Variants in FAM120B observed in about 807,000 individuals in gnomAD.
The protein encoded by FAM120B is constitutive coactivator of peroxisome proliferator-activated receptor gamma.
In FAM120B, 83 loss-of-function variants were observed where a neutral mutation model predicts 96.3. The observed-to-expected ratio is 0.86, with a 90% CI of 0.72 to 1.03. The LOEUF (loss-of-function observed/expected upper bound fraction) is 1.03. FAM120B is among the 50% of genes least tolerant of loss of function. The pLI, the probability that FAM120B is intolerant of heterozygous loss-of-function variation, is 0.00. For missense variants in FAM120B, 1,027 were observed against 1,121.2 expected, an observed-to-expected ratio of 0.92 and a Z score of 1.20; for synonymous variants, 407 against 402.7, an observed-to-expected ratio of 1.01 and a Z score of -0.13.
intron 6 of FAM120B, among the ~76,000 whole-genome samples, chr6:170,371,260 T>C (rs1789171738): frequency 6.6e-6 from 1 of 152,128 alleles, no homozygotes; most frequent in Admixed American, 6.5e-5. Context: ...TGGCCTTTCG[T>C]GTCTGGCATC....
chr6:170,349,898 G>A (rs1787461670), intron 5 of FAM120B, among the ~76,000 whole-genome samples: 1 of 152,084 alleles, frequency 6.6e-6, no homozygotes, highest in Admixed American at 6.5e-5. Flanking sequence ...TGCCCCACCT[G>A]GGAACAGTAT....
At chr6:170,397,714 A>G (rs778731981) in intron 9 of FAM120B, among the ~76,000 whole-genome samples, 1 of 152,182 alleles carries the variant, frequency 6.6e-6, no homozygotes. Flanking sequence ...TGAAGCGGGC[A>G]TCCCAGCCTC....
intron 6 of FAM120B, among the ~76,000 whole-genome samples, chr6:170,379,172 G>T (rs1184386272): frequency 6.6e-6 from 1 of 152,170 alleles, no homozygotes; most frequent in Non-Finnish European, 1.5e-5. Context: ...GGGATCTGTG[G>T]TCTGAGACAG....
intron 4 of FAM120B, among the ~76,000 whole-genome samples, chr6:170,343,991 C>T (rs960879680): frequency 2.0e-5 from 3 of 151,402 alleles, no homozygotes; most frequent in Admixed American, 6.6e-5. Flanking sequence ...CTTGGAAGAA[C>T]GGATGAAATC....
At chr6:170,374,444 C>T (rs909931837) in intron 6 of FAM120B, among the ~76,000 whole-genome samples, 5 of 152,292 alleles carry the variant, frequency 3.3e-5, no homozygotes, top group African/African-American at 9.6e-5. Context: ...TTACTCTGCC[C>T]GAGACGAGAT....
chr6:170,302,582 CCT>C (rs1199499389), upstream of FAM120B, among the ~76,000 whole-genome samples: 1 of 152,162 alleles, frequency 6.6e-6, no homozygotes, highest in African/African-American at 2.4e-5. Flanking sequence ...CCCAGATGCC[CCT>C]GCCATTCATT....
rs138355463 is a variant in FAM120B, at chr6:170,317,768, A to G, written c.378A>G (p.Pro126=). Residue 126 remains proline, a synonymous_variant, in exon 2 of 11, where the codon CCA becomes CCG. Transcript: ENST00000476287. The part of the protein sequence containing the change: ...FHYIKSHKEQ[P]GRNMFFIPSG... Reference sequence around the variant, plus strand: ...ACATCAAGTCACACAAGGAGCAGCCAGGCAGAAATATGTTCTTCATCCCCT... The same window carrying G: ...ACATCAAGTCACACAAGGAGCAGCCGGGCAGAAATATGTTCTTCATCCCCT... 13 of 1,614,118 alleles carry G rather than the reference A, an allele frequency of 8.1e-6. No individual in the cohort carries two copies. In the African/African-American group the frequency reaches 1.7e-4, roughly 22 times the overall value.
At chr6:170,292,152 C>T (rs1280815513), upstream of FAM120B, among the ~76,000 whole-genome samples, 4 of 152,248 alleles carry the variant, frequency 2.6e-5, no homozygotes, top group South Asian at 6.2e-4. The surrounding 1 kb of genome is among the most constrained non-coding windows in gnomAD (Gnocchi z 6.6). Context: ...TAAAGCCCCT[C>T]CAGCCCCGGC....
intron 6 of FAM120B, among the ~76,000 whole-genome samples, chr6:170,384,676 T>C (rs934959975): frequency 1.3e-5 from 2 of 152,244 alleles, no homozygotes; most frequent in Admixed American, 1.3e-4. Context: ...AGCAGACATA[T>C]CTGTAATCAC....
intron 5 of FAM120B, 55 bp from the exon 6 acceptor site, chr6:170,358,171 A>T: frequency 7.1e-7 from 1 of 1,414,856 alleles, no homozygotes; most frequent in South Asian, 1.2e-5. Context: ...TCAATTTGTA[A>T]GAAATGTTTA....
intron 4 of FAM120B, among the ~76,000 whole-genome samples, chr6:170,345,264 T>G (rs1257149467): frequency 2.0e-5 from 3 of 152,158 alleles, no homozygotes; most frequent in East Asian, 1.9e-4. Flanking sequence ...CCATGAAAAT[T>G]TATTAATGCC....
intron 3 of FAM120B, 79 bp from the exon 4 acceptor site, chr6:170,330,370 G>A (rs989296687): frequency 9.1e-7 from 1 of 1,093,244 alleles, no homozygotes; most frequent in Non-Finnish European, 1.4e-6. Context: ...TGGCCACCTG[G>A]GCAGAGCTGG....
intron 1 of FAM120B, among the ~76,000 whole-genome samples, chr6:170,311,878 A>C (rs1305963174): frequency 6.6e-6 from 1 of 152,256 alleles, no homozygotes; most frequent in Non-Finnish European, 1.5e-5. Flanking sequence ...AAAAACTACC[A>C]ATATGTGCCT....
chr6:170,313,024 A>G (rs1482184886), intron 1 of FAM120B, among the ~76,000 whole-genome samples: 1 of 152,192 alleles, frequency 6.6e-6, no homozygotes, highest in Non-Finnish European at 1.5e-5. Context: ...GCCCTAGCAA[A>G]AGTGTGGTCA....
At position 170,323,277 on chromosome 6, in the gene FAM120B, C is replaced by T. The variant is rs771757866; in HGVS notation, c.1915+18C>T. 22 of 1,603,750 alleles carry T rather than the reference C, an allele frequency of 1.4e-5. No homozygotes were observed. The highest frequency in any genetic ancestry group is 1.8e-5 in the Non-Finnish European group (21 of 1,174,908). ...CTGTCAAGGTGAGAATTGGTTGGTC[C>T]CTCTTAGTAAAGGTTCTATTTGGAG... On this transcript the variant is annotated intron_variant, in intron 3 of 10. Coordinates refer to ENST00000476287, the MANE Select transcript of FAM120B (RefSeq NM_032448.3).
chr6:170,387,200 T>C (rs1343963433), intron 6 of FAM120B, among the ~76,000 whole-genome samples: 1 of 152,206 alleles, frequency 6.6e-6, no homozygotes, highest in Non-Finnish European at 1.5e-5. Context: ...GGTATAGTAG[T>C]GCTGTGCAAC....
At chr6:170,345,935 C>G (rs1787150738) in intron 4 of FAM120B, among the ~76,000 whole-genome samples, 1 of 152,232 alleles carries the variant, frequency 6.6e-6, no homozygotes, top group Admixed American at 6.5e-5. Context: ...TGTACTTGCA[C>G]AAACCTAAAT....
chr6:170,368,482 C>T lies in FAM120B; in HGVS notation c.2283+10164C>T, dbSNP rs563745342. On this transcript the variant is annotated intron_variant, in intron 6 of 10. Transcript: ENST00000476287. The stretch of plus-strand genomic sequence containing the variant: ...CTTTGAAGACATAATGAGATCAAGC[C>T]GTTAAGATGGCGCTTTACCGATTAA... Among the ~76,000 whole-genome samples, 4 of 152,256 alleles carry T rather than the reference C, an allele frequency of 2.6e-5. No homozygotes were observed. In the East Asian group the frequency reaches 5.8e-4, roughly 22 times the overall value.
rs571906160 is a variant in FAM120B at position 170,328,336 on chromosome 6, A to G, written c.1916-2113A>G. ...TAGTCTAGGACTCCACGGGGTCAGG[A>G]TCATCAAGGCTTCACCAGAAATGTG... On this transcript the variant is annotated intron_variant, in intron 3 of 10. Transcript: ENST00000476287. Among the ~76,000 whole-genome samples the G allele has an allele frequency of 6.6e-5, 10 of 152,360 alleles. No homozygotes were observed. In the East Asian group the frequency reaches 1.9e-3, roughly 29 times the overall value.
Sources: gnomAD v4.1 joint callset for allele counts (sites outside exome capture counted in the v4.1 genomes callset) on GRCh38, gnomAD v4.1.1 for gene constraint, Gnocchi (gnomAD v3.1) non-coding constraint, MANE v1.5 for transcripts, NCBI Gene and HGNC (gene_info 2026-07-23, HGNC 2026-07-21) for gene names.